RARA: variants seen among roughly 807,000 people sequenced by gnomAD.
The protein encoded by RARA is retinoic acid receptor alpha.
A neutral mutation model predicts 42.8 loss-of-function variants in RARA; 5 were observed. The ratio of observed to expected loss-of-function variants is 0.12; its 90% CI spans 0.06 to 0.25. The LOEUF is 0.25. Among genes scored for constraint, RARA ranks in the 10% least tolerant of loss-of-function variants. RARA has a pLI of 1.00. For synonymous variants in RARA, 256 were observed against 259.5 expected, an observed-to-expected ratio of 0.99 and a Z score of 0.13; for missense variants, 402 against 628.7, an observed-to-expected ratio of 0.64 and a Z score of 3.86.
chr17:40,348,135 T>C, intron 2 of RARA, 181 bp from the exon 3 acceptor site: 1 of 661,344 alleles, frequency 1.5e-6, no homozygotes. Context: ...TGCTGGAGGC[T>C]TCATTGGCAG....
intron 2 of RARA, chr17:40,341,502 C>T: frequency 6.7e-7 from 1 of 1,488,538 alleles, no homozygotes; most frequent in East Asian, 2.9e-5. Context: ...CGGCCCTACG[C>T]CTCCTGCCGC....
intron 1 of RARA, among the ~76,000 whole-genome samples, chr17:40,329,827 A>G (rs2033643548): frequency 2.0e-5 from 3 of 152,166 alleles, no homozygotes; most frequent in Admixed American, 1.3e-4. Flanking sequence ...TGTATTTTTC[A>G]TATATAAATA....
At position 40,356,009 on chromosome 17, in the gene RARA, G is replaced by C. The variant is rs1381078028; in HGVS notation, c.1172G>C (p.Gly391Ala). 1 of 1,596,668 alleles carries C rather than the reference G, an allele frequency of 6.3e-7. No individual in the cohort carries two copies. The highest frequency in any genetic ancestry group is 2.3e-5 in the East Asian group (1 of 44,292). Reference sequence around the variant, plus strand: ...ACCTCTGCCCCCTCCTTTCCTGCAGGGGCTGAGCGGGTGATCACGCTGAAG... The same window carrying C: ...ACCTCTGCCCCCTCCTTTCCTGCAGCGGCTGAGCGGGTGATCACGCTGAAG... The part of the protein sequence containing the change: ...ITDLRSISAK[G>A]AERVITLKME... Residue 391 changes from glycine to alanine, a missense_variant and splice_region_variant, in exon 9 of 9, where the codon GGG becomes GCG. Physicochemically the swap from Gly to Ala is moderately conservative, Grantham distance 60 (BLOSUM62 0). Around this residue, in one of 5 missense-constraint regions of RARA, gnomAD observed 104 missense variants for 160.1 expected, o/e 0.65. Coordinates refer to ENST00000254066, the MANE Select transcript of RARA (RefSeq NM_000964.4).
chr17:40,356,422 TC>T lies in RARA; in HGVS notation c.*199del. Reference sequence around the variant, plus strand: ...CCTGGGCCCTCAGTGGACTGCCTGCTCCCACAGCCTGGGCTGACGTCAGAGG... The same window carrying T: ...CCTGGGCCCTCAGTGGACTGCCTGCTCCACAGCCTGGGCTGACGTCAGAGG... On this transcript the variant is annotated 3_prime_UTR_variant, in exon 9 of 9. Transcript: ENST00000254066. The T allele has an allele frequency of 1.4e-6, 1 of 736,864 alleles. No homozygotes were observed. Among genetic ancestry groups the T allele is most frequent in the Non-Finnish European group, 2.4e-6 (1 of 418,278 alleles). 45.6% of individuals were successfully genotyped at this position (736,864 alleles called of 1,614,324 possible). A position where few individuals can be genotyped will look rare whatever the true frequency, so the allele number is the denominator to read the frequency against.
At chr17:40,327,233 G>A (rs2033572355) in intron 1 of RARA, among the ~76,000 whole-genome samples, 2 of 152,172 alleles carry the variant, frequency 1.3e-5, no homozygotes, top group South Asian at 4.1e-4. Flanking sequence ...GTTCCAGAGG[G>A]TCCAGGCTGG....
chr17:40,312,276 G>A (rs1272243913), intron 1 of RARA, among the ~76,000 whole-genome samples: 1 of 152,256 alleles, frequency 6.6e-6, no homozygotes, highest in Non-Finnish European at 1.5e-5. Flanking sequence ...CAGGGTAGGG[G>A]CAGCTCTGTG....
At chr17:40,309,558 C>A (rs1168291582) in intron 1 of RARA, among the ~76,000 whole-genome samples, 1 of 152,212 alleles carries the variant, frequency 6.6e-6, no homozygotes, top group Non-Finnish European at 1.5e-5. Context: ...TCTGCCCAGG[C>A]CCCACGCCCT....
intron 1 of RARA, among the ~76,000 whole-genome samples, chr17:40,325,287 A>G (rs897628721): frequency 1.3e-5 from 2 of 151,548 alleles, no homozygotes; most frequent in South Asian, 2.1e-4. Context: ...AAATAAATAA[A>G]TAAATAAATA....
chr17:40,327,781 C>T (rs771394170), intron 1 of RARA, among the ~76,000 whole-genome samples: 1 of 152,190 alleles, frequency 6.6e-6, no homozygotes, highest in Non-Finnish European at 1.5e-5. Context: ...GAGGGTCCAA[C>T]TGTAGGAACT....
Position 40,354,231 on chromosome 17 carries a change from G to C in RARA, c.808-71G>C, listed in dbSNP as rs928562950. 1 of 1,450,028 alleles carries C rather than the reference G, an allele frequency of 6.9e-7. No homozygotes were observed. The highest frequency in any genetic ancestry group is 9.5e-7 in the Non-Finnish European group (1 of 1,048,638). 89.8% of individuals were successfully genotyped at this position (1,450,028 alleles called of 1,614,324 possible). A position where few individuals can be genotyped will look rare whatever the true frequency, so the allele number is the denominator to read the frequency against. On this transcript the variant is annotated intron_variant, in intron 6 of 8. Coordinates refer to ENST00000254066, the MANE Select transcript of RARA (RefSeq NM_000964.4). The surrounding 1 kb of genome is among the most constrained non-coding windows in gnomAD (Gnocchi z 4.5). ...GGTGGTCCTCCGGGAGTGCTGGTGC[G>C]GAGTGCTGGTGCCGAGTGCTCAGAG...
chr17:40,324,728 A>G (rs1215911514), intron 1 of RARA, among the ~76,000 whole-genome samples: 1 of 152,168 alleles, frequency 6.6e-6, no homozygotes, highest in Non-Finnish European at 1.5e-5. Flanking sequence ...TCTTGAGGCA[A>G]TGGGCAGTGG....
In RARA at chr17:40,342,027, C is replaced by G. The variant is rs572579838; in HGVS notation, c.179-6289C>G. ...ACATGCCGCCTCTCCCTCTCGGTTC[C>G]CTGCGTTTCTCCCGCTGCAGCCGGA... On this transcript the variant is annotated intron_variant, in intron 2 of 8. Coordinates refer to ENST00000254066, the MANE Select transcript of RARA (RefSeq NM_000964.4). 34 of 1,077,524 alleles carry G rather than the reference C, an allele frequency of 3.2e-5. No individual in the cohort carries two copies. The South Asian group carries it at 1.3e-3, about 41-fold the overall frequency. 66.7% of individuals were successfully genotyped at this position (1,077,524 alleles called of 1,614,324 possible).
intron 6 of RARA, among the ~76,000 whole-genome samples, chr17:40,353,778 T>C (rs1461482812): frequency 6.6e-6 from 1 of 152,152 alleles, no homozygotes; most frequent in African/African-American, 2.4e-5. Flanking sequence ...GAGGTTTAGA[T>C]TGTGCTGCCT....
intron 1 of RARA, among the ~76,000 whole-genome samples, chr17:40,325,709 C>T (rs2033526733): frequency 6.6e-6 from 1 of 152,224 alleles, no homozygotes; most frequent in Non-Finnish European, 1.5e-5. Flanking sequence ...ATATGATTCA[C>T]TAACTGTCTA....
At position 40,331,073 on chromosome 17, in the gene RARA, G is replaced by T; in HGVS notation, c.-146G>T. ...AGACTGAGATTAGCCTGCCCTCTTT[G>T]GACAGCAGCTCCAGGACAGGGCGGG... On this transcript the variant is annotated 5_prime_UTR_variant, in exon 2 of 9. Coordinates refer to ENST00000254066, the MANE Select transcript of RARA (RefSeq NM_000964.4). 1.1e-6 allele frequency: 1 copy of T among 942,800 alleles called. No homozygotes were observed. The highest frequency in any genetic ancestry group is 1.5e-6 in the Non-Finnish European group (1 of 646,734). 58.4% of individuals were successfully genotyped at this position (942,800 alleles called of 1,614,324 possible). A position where few individuals can be genotyped will look rare whatever the true frequency, so the allele number is the denominator to read the frequency against.
rs2034536631 is a variant in RARA, at chr17:40,354,094, A to C, written c.808-208A>C. On this transcript the variant is annotated intron_variant, in intron 6 of 8. Transcript: ENST00000254066. This position sits in a 1 kb window ranked among gnomAD's most constrained non-coding sequence, Gnocchi z 4.5. ...CCTCAGTTGCATTAGCCACATTTCA[A>C]GTACTCAGTAGACGCATGTGGCTGG... is the stretch of plus-strand genomic sequence containing the variant. 6.6e-6 allele frequency among the ~76,000 whole-genome samples: 1 copy of C among 152,224 alleles called. No individual in the cohort carries two copies. The highest frequency in any genetic ancestry group is 1.5e-5 in the Non-Finnish European group (1 of 68,032).
rs528394519 is a variant in RARA, at chr17:40,327,811, C to G, written c.-362-3046C>G. Among the ~76,000 whole-genome samples the G allele has an allele frequency of 4.6e-5, 7 of 152,336 alleles. No homozygotes were observed. In the East Asian group the frequency reaches 1.3e-3, roughly 29 times the overall value. Reference sequence around the variant, plus strand: ...GGAACTGATGAGGTTCTGCCAGCCTCTTCTTCCCTTGCATGGCTCCCCCAG... The same window carrying G: ...GGAACTGATGAGGTTCTGCCAGCCTGTTCTTCCCTTGCATGGCTCCCCCAG... On this transcript the variant is annotated intron_variant, in intron 1 of 8. Transcript: ENST00000254066.
In RARA at chr17:40,316,032, G is replaced by A. The variant is rs558711755; in HGVS notation, c.-363+6746G>A. Reference sequence around the variant, plus strand: ...CTGTTATGAGCCCAGCATAGCTGGAGTTCAACTGCTGCTGCAGATTGAAGA... The same window carrying A: ...CTGTTATGAGCCCAGCATAGCTGGAATTCAACTGCTGCTGCAGATTGAAGA... On this transcript the variant is annotated intron_variant, in intron 1 of 8. Coordinates refer to ENST00000254066, the MANE Select transcript of RARA (RefSeq NM_000964.4). 1.4e-3 allele frequency among the ~76,000 whole-genome samples: 207 copies of A among 152,376 alleles called. 1 individual carries two copies. Among genetic ancestry groups the A allele is most frequent in the Admixed American group, 2.2e-3 (33 of 15,306 alleles).
At chr17:40,347,923 C>T (rs1448739131) in intron 2 of RARA, 1 of 166,086 alleles carries the variant, frequency 6.0e-6, no homozygotes, top group Admixed American at 6.4e-5. Context: ...CTCTTCCCTC[C>T]CTCCTCTTCA....
Sources: allele counts gnomAD v4.1 joint callset (sites outside exome capture counted in the v4.1 genomes callset), GRCh38; gene constraint gnomAD v4.1.1; regional missense constraint gnomAD v4.1.1; non-coding constraint Gnocchi (gnomAD v3.1); transcripts MANE v1.5; gene names NCBI Gene and HGNC (gene_info 2026-07-23, HGNC 2026-07-21).